DAB1: variants seen among roughly 807,000 people sequenced by gnomAD.
The protein encoded by DAB1 is disabled homolog 1.
In DAB1, 15 loss-of-function variants were observed where a neutral mutation model predicts 64.6. The observed-to-expected ratio is 0.23, with a 90% CI of 0.16 to 0.36. DAB1 has a LOEUF of 0.36. Ranked by LOEUF, DAB1 falls within the 10% of genes least tolerant of loss-of-function variation. DAB1 has a pLI of 1.00. For synonymous variants in DAB1, 235 were observed against 251.9 expected (o/e 0.93, Z 0.64); for missense variants, 596 against 706.7 (o/e 0.84, Z 1.78).
chr1:58,448,397 T>C (rs1355356718), intron 3 of DAB1, among the ~76,000 whole-genome samples: 2 of 152,124 alleles, frequency 1.3e-5, no homozygotes, highest in East Asian at 1.9e-4. Flanking sequence ...TGTGGTCAAT[T>C]TTACAATAAG....
intron 1 of DAB1, among the ~76,000 whole-genome samples, chr1:57,848,768 C>A (rs563842282): frequency 6.6e-6 from 1 of 152,310 alleles, no homozygotes; most frequent in South Asian, 2.1e-4. Context: ...AGAGCTGGAG[C>A]TGAAGCTGCA....
chr1:58,546,151 C>T (rs1195807240), intron 1 of DAB1, among the ~76,000 whole-genome samples: 1 of 152,228 alleles, frequency 6.6e-6, no homozygotes, highest in Non-Finnish European at 1.5e-5. Context: ...GTTAAAACTC[C>T]CCGGAACTGC....
intron 1 of DAB1, among the ~76,000 whole-genome samples, chr1:57,856,419 C>T (rs992380787): frequency 6.6e-6 from 1 of 152,150 alleles, no homozygotes; most frequent in Non-Finnish European, 1.5e-5. Context: ...TAGCATCTAG[C>T]ACTTGATAAT....
At chr1:57,239,855 A>G (rs1446830596) in intron 2 of DAB1, among the ~76,000 whole-genome samples, 1 of 152,212 alleles carries the variant, frequency 6.6e-6, no homozygotes, top group Non-Finnish European at 1.5e-5. Flanking sequence ...ATAACTAATT[A>G]ATTTATCTGC....
Position 58,145,371 on chromosome 1 carries a change from G to A in DAB1, n.387+5140C>T, listed in dbSNP as rs149702168. On this transcript the variant is annotated intron_variant and non_coding_transcript_variant, in intron 5 of 20. Transcript: ENST00000485760. ...GTGGCCATTATCCGCAACACATGAC[G>A]CATCTCTGTCTCGGTTTCTTTTCTG... Among the ~76,000 whole-genome samples the A allele has an allele frequency of 1.1e-4, 17 of 152,280 alleles. No individual in the cohort carries two copies. The East Asian group carries it at 2.3e-3, about 21-fold the overall frequency.
intron 5 of DAB1, among the ~76,000 whole-genome samples, chr1:57,922,893 A>C (rs1644830208): frequency 6.8e-6 from 1 of 148,100 alleles, no homozygotes; most frequent in Admixed American, 6.8e-5. Flanking sequence ...TAAAGACCCT[A>C]TTTCTCTTTA....
At chr1:57,941,150 T>C (rs1245022532) in intron 5 of DAB1, among the ~76,000 whole-genome samples, 5 of 152,228 alleles carry the variant, frequency 3.3e-5, no homozygotes, top group African/African-American at 1.2e-4. Flanking sequence ...ATCAAGTGGC[T>C]ATAATTAAAA....
At chr1:57,012,964 A>C (rs1408637135) in intron 12 of DAB1, among the ~76,000 whole-genome samples, 1 of 152,156 alleles carries the variant, frequency 6.6e-6, no homozygotes, top group Non-Finnish European at 1.5e-5. Flanking sequence ...TAATACTCTA[A>C]AGCAGTGGTT....
chr1:58,056,381 T>C, intron 5 of DAB1: 1 of 1,582,980 alleles, frequency 6.3e-7, no homozygotes, highest in Non-Finnish European at 8.6e-7. Flanking sequence ...TTAATGGCCT[T>C]GTCCTTGGGC....
intron 5 of DAB1, among the ~76,000 whole-genome samples, chr1:57,950,666 T>C (rs1221016510): frequency 6.6e-6 from 1 of 152,210 alleles, no homozygotes; most frequent in Non-Finnish European, 1.5e-5. Context: ...TCTTTGCATA[T>C]TCTATTCCCT....
intron 7 of DAB1, among the ~76,000 whole-genome samples, chr1:57,441,007 C>T (rs918153843): frequency 1.3e-5 from 2 of 152,078 alleles, no homozygotes; most frequent in African/African-American, 4.8e-5. Context: ...GGCTTATTAA[C>T]CCACACTTCC....
intron 5 of DAB1, among the ~76,000 whole-genome samples, chr1:58,093,697 GAA>G (rs746501755): frequency 1.2e-4 from 16 of 129,602 alleles, no homozygotes; most frequent in Admixed American, 1.5e-4. Context: ...GTTCAAAAGG[GAA>G]AAAAAAAAAA....
At chr1:57,204,258 T>G (rs2100290328) in intron 2 of DAB1, among the ~76,000 whole-genome samples, 1 of 152,066 alleles carries the variant, frequency 6.6e-6, no homozygotes, top group African/African-American at 2.4e-5. Context: ...TGGAAGCTGG[T>G]TTTCTTCTGC....
At chr1:57,932,752 T>G (rs559217390) in intron 5 of DAB1, among the ~76,000 whole-genome samples, 2 of 152,212 alleles carry the variant, frequency 1.3e-5, no homozygotes, top group Non-Finnish European at 2.9e-5. Flanking sequence ...ATTAACACAT[T>G]GATTTCCACT....
At chr1:57,280,915 C>T (rs186614736) in intron 2 of DAB1, among the ~76,000 whole-genome samples, 212 of 151,984 alleles carry the variant, frequency 1.4e-3, no homozygotes, top group Admixed American at 6.4e-3. Flanking sequence ...GCCAAGTGTA[C>T]CAGGTGAGGA....
chr1:57,917,712 A>G (rs1049907127), intron 5 of DAB1, among the ~76,000 whole-genome samples: 1 of 152,158 alleles, frequency 6.6e-6, no homozygotes, highest in African/African-American at 2.4e-5. Flanking sequence ...TGTTGTCCTT[A>G]AAGTCTTTAA....
intron 3 of DAB1, among the ~76,000 whole-genome samples, chr1:58,408,415 T>C (rs763862823): frequency 6.6e-6 from 1 of 152,228 alleles, no homozygotes. Flanking sequence ...TTTCATTATA[T>C]GGTAAGTTAT....
intron 1 of DAB1, among the ~76,000 whole-genome samples, chr1:57,336,549 G>C (rs1400244983): frequency 9.2e-5 from 14 of 152,074 alleles, no homozygotes; most frequent in Non-Finnish European, 1.8e-4. Flanking sequence ...CATTCTACAA[G>C]CTTGCAAACA....
intron 3 of DAB1, among the ~76,000 whole-genome samples, chr1:58,481,881 C>T (rs1299621648): frequency 6.6e-6 from 1 of 152,194 alleles, no homozygotes; most frequent in Non-Finnish European, 1.5e-5. Flanking sequence ...GATTGTGAGG[C>T]CATCCTCAGC....
Sources: allele counts gnomAD v4.1 joint callset (sites outside exome capture counted in the v4.1 genomes callset), GRCh38; gene constraint gnomAD v4.1.1; transcripts MANE v1.5; gene names NCBI Gene and HGNC (gene_info 2026-07-23, HGNC 2026-07-21).